HROB: variants seen among roughly 807,000 people sequenced by gnomAD.
HROB encodes homologous recombination OB-fold protein.
A neutral mutation model predicts 61.0 loss-of-function variants in HROB; 44 were observed. The ratio of observed to expected loss-of-function variants is 0.72; its 90% CI spans 0.57 to 0.93. The LOEUF (loss-of-function observed/expected upper bound fraction) is 0.93. Among genes scored for constraint, HROB ranks in the 40% least tolerant of loss-of-function variants. The probability of loss-of-function intolerance (pLI) is 0.00; values close to 1 mark genes in which losing one functional copy is unlikely to be tolerated. For synonymous variants in HROB, 301 were observed against 310.4 expected (o/e 0.97, Z 0.32); for missense variants, 716 against 796.2 (o/e 0.90, Z 1.21).
chr17:44,150,117 G>A (rs929768037), intron 3 of HROB, among the ~76,000 whole-genome samples: 14 of 152,198 alleles, frequency 9.2e-5, no homozygotes, highest in Non-Finnish European at 1.5e-5. Flanking sequence ...GACAGCCCTG[G>A]TGAGACTTGG....
intron 6 of HROB, 22 bp from the exon 7 acceptor site, chr17:44,154,831 A>C: frequency 6.2e-7 from 1 of 1,613,742 alleles, no homozygotes; most frequent in South Asian, 1.1e-5. Context: ...CCCGAGACTG[A>C]TGGGCCATGT....
chr17:44,143,073 A>T (rs2143801250), intron 1 of HROB, among the ~76,000 whole-genome samples: 1 of 152,272 alleles, frequency 6.6e-6, no homozygotes, highest in African/African-American at 2.4e-5. Context: ...ACAAGCTGGG[A>T]TTACAGGCGG....
At chr17:44,151,481 C>A (rs1403499128) in intron 4 of HROB, among the ~76,000 whole-genome samples, 1 of 152,186 alleles carries the variant, frequency 6.6e-6, no homozygotes, top group African/African-American at 2.4e-5. Flanking sequence ...TTCTGGTTGA[C>A]CTGCTCTGCC....
Position 44,148,437 on chromosome 17 carries a change from G to T in HROB, c.634G>T (p.Gly212Trp). 6.2e-7 allele frequency: 1 copy of T among 1,614,076 alleles called. No individual in the cohort carries two copies. Among genetic ancestry groups the T allele is most frequent in the Non-Finnish European group, 8.5e-7 (1 of 1,180,006 alleles). ...TGATCTGAGTGGATCTTGCCAGAAG[G>T]GGCCTGTGCCTGCCATCCACAAAGC... ...VVDLSGSCQK[G>W]PVPAIHKAGI... The change falls in exon 3 of 10, where the codon GGG (glycine) becomes TGG (tryptophan). Residue 212 changes from glycine to tryptophan, a missense_variant. By Grantham distance (184) the Gly-to-Trp change is radical. Coordinates refer to ENST00000585683, the MANE Select transcript of HROB (RefSeq NM_001171251.3).
At chr17:44,158,242 T>G (rs898870718) in intron 9 of HROB, among the ~76,000 whole-genome samples, 3 of 152,118 alleles carry the variant, frequency 2.0e-5, no homozygotes, top group Non-Finnish European at 4.4e-5. Flanking sequence ...AGGCGCTATC[T>G]TTGTGCCACA....
chr17:44,145,975 T>C (rs1435732314), intron 2 of HROB, among the ~76,000 whole-genome samples: 1 of 152,198 alleles, frequency 6.6e-6, no homozygotes, highest in African/African-American at 2.4e-5. Flanking sequence ...ATCACCTAGG[T>C]AATAAGCCCA....
Position 44,155,442 on chromosome 17 carries a change from G to C in HROB, c.1770+31G>C, listed in dbSNP as rs750283795. 2.5e-6 allele frequency: 4 copies of C among 1,611,404 alleles called. No individual in the cohort carries two copies. In the African/African-American group the frequency reaches 5.3e-5, roughly 22 times the overall value. On this transcript the variant is annotated intron_variant, in intron 8 of 9. Coordinates refer to ENST00000585683, the MANE Select transcript of HROB (RefSeq NM_001171251.3). The stretch of plus-strand genomic sequence containing the variant: ...AGGAGCAGGAAGAAACGGGAGACTG[G>C]TAAGGCCCTCCTTCTGCCTGGATCT...
At chr17:44,149,254 C>CT (rs11355829) in intron 3 of HROB, among the ~76,000 whole-genome samples, 3,373 of 147,528 alleles carry the variant, frequency 0.023, 54 homozygotes, top group Non-Finnish European at 0.034. Context: ...TTTTCTTCTC[C>CT]TTTTTTTTTT....
chr17:44,145,253 G>C lies in HROB; in HGVS notation c.54G>C (p.Glu18Asp). Reference protein sequence around the residue: ...LFAVEEEFEDEDFLSAVEDAE... With the variant: ...LFAVEEEFEDDDFLSAVEDAE... ...CTGTGGAAGAGGAGTTTGAAGATGA[G>C]GTAGGGAAGTGTTGATGATCAGAGG... Residue 18 changes from glutamate to aspartate, a missense_variant and splice_region_variant, in exon 2 of 10, where the codon GAG becomes GAC. Coordinates refer to ENST00000585683, the MANE Select transcript of HROB (RefSeq NM_001171251.3). The C allele has an allele frequency of 6.2e-7, 1 of 1,613,756 alleles. No individual in the cohort carries two copies. Among genetic ancestry groups the C allele is most frequent in the Non-Finnish European group, 8.5e-7 (1 of 1,179,736 alleles).
intron 7 of HROB, 39 bp from the exon 8 acceptor site, chr17:44,155,247 C>G (rs780822831): frequency 6.2e-7 from 1 of 1,610,310 alleles, no homozygotes; most frequent in Non-Finnish European, 8.5e-7. Context: ...GCTCCCAGTG[C>G]TCCATCAGGA....
At chr17:44,154,422 T>C in intron 5 of HROB, 134 bp from the exon 6 acceptor site, 1 of 763,406 alleles carries the variant, frequency 1.3e-6, no homozygotes, top group African/African-American at 1.7e-5. Context: ...TACCTCCTTG[T>C]CCTCCACAAA....
chr17:44,158,089 T>C, intron 9 of HROB, 148 bp downstream of exon 9: 1 of 610,326 alleles, frequency 1.6e-6, no homozygotes, highest in East Asian at 3.2e-5. Context: ...AGTGTCTTGT[T>C]TGGCAAGGCT....
Position 44,152,775 on chromosome 17 carries a change from A to G in HROB, c.1447A>G (p.Lys483Glu). The G allele has an allele frequency of 1.9e-6, 3 of 1,612,878 alleles. No individual in the cohort carries two copies. Among genetic ancestry groups the G allele is most frequent in the Non-Finnish European group, 2.5e-6 (3 of 1,179,366 alleles). ...CTYSIVMVLR[K>E]AALKQLPRNK... ...CTACAGCATTGTCATGGTGCTGCGC[A>G]AGGTAAGGATTCTGGGTGCTGAGAC... Residue 483 changes from lysine (K) to glutamate (E), a missense_variant and splice_region_variant, in exon 5 of 10, where the codon AAG (lysine) becomes GAG (glutamate). Physicochemically the swap from Lys to Glu is moderately conservative, Grantham distance 56. Transcript: ENST00000585683.
At position 44,162,281 on chromosome 17, in the gene HROB, A is replaced by G. The variant is rs1167513372; in HGVS notation, c.*349A>G. 1 of 232,546 alleles carries G rather than the reference A, an allele frequency of 4.3e-6. No homozygotes were observed. The highest frequency in any genetic ancestry group is 2.3e-5 in the African/African-American group (1 of 43,622). The allele number at this position is 232,546 out of a possible 1,614,324, so 14.4% of individuals were successfully genotyped here. A position where few individuals can be genotyped will look rare whatever the true frequency, so the allele number is the denominator to read the frequency against. On this transcript the variant is annotated 3_prime_UTR_variant, in exon 10 of 10. Coordinates refer to ENST00000585683, the MANE Select transcript of HROB (RefSeq NM_001171251.3). The stretch of plus-strand genomic sequence containing the variant: ...TCCCTTCATACCCTAGTCCCTGGAC[A>G]GCTGAGGAGATGAAAGGAGCCACAC...
intron 4 of HROB, 24 bp downstream of exon 4, chr17:44,151,068 T>G: frequency 2.5e-6 from 4 of 1,584,354 alleles, no homozygotes; most frequent in Non-Finnish European, 2.6e-6. Context: ...ATGTTAACTT[T>G]CTGGGTGTGA....
At chr17:44,153,442 G>A (rs1474102620) in intron 5 of HROB, among the ~76,000 whole-genome samples, 1 of 151,936 alleles carries the variant, frequency 6.6e-6, no homozygotes, top group Non-Finnish European at 1.5e-5. Context: ...GCAATAGAGC[G>A]AGAGCTTGTC....
chr17:44,149,986 T>A (rs896531083), intron 3 of HROB, among the ~76,000 whole-genome samples: 4 of 152,120 alleles, frequency 2.6e-5, no homozygotes, highest in Non-Finnish European at 5.9e-5. Context: ...CTGTGGATGT[T>A]CTGGCAGTGG....
In HROB at chr17:44,142,025, C is replaced by T. The variant is rs1255652208; in HGVS notation, c.-118C>T. Reference sequence around the variant, plus strand: ...GAGACTCATCCCTCTGACCCCAGCCCGGAAGCACTGTCCCTCGGAGTCCGA... The same window carrying T: ...GAGACTCATCCCTCTGACCCCAGCCTGGAAGCACTGTCCCTCGGAGTCCGA... On this transcript the variant is annotated 5_prime_UTR_variant, in exon 1 of 10. Transcript: ENST00000585683. 2.2e-6 allele frequency: 3 copies of T among 1,384,264 alleles called. No homozygotes were observed. The highest frequency in any genetic ancestry group is 2.9e-6 in the Non-Finnish European group (3 of 1,022,852). The allele number at this position is 1,384,264 out of a possible 1,614,324, so 85.7% of individuals were successfully genotyped here.
At chr17:44,161,783 G>T (rs1057260916) in intron 9 of HROB, 88 bp from the exon 10 acceptor site, 1 of 1,431,372 alleles carries the variant, frequency 7.0e-7, no homozygotes, top group Non-Finnish European at 9.8e-7. Context: ...CCAGGTCCAG[G>T]CCCTCCTGAA....
Sources: gnomAD v4.1 joint callset for allele counts (sites outside exome capture counted in the v4.1 genomes callset) on GRCh38, gnomAD v4.1.1 for gene constraint, MANE v1.5 for transcripts, NCBI Gene and HGNC (gene_info 2026-07-23, HGNC 2026-07-21) for gene names.